CDK15: variants seen among roughly 807,000 people sequenced by gnomAD.
The protein encoded by CDK15 is cyclin dependent kinase 15.
CDK15 carries 62 observed loss-of-function variants against 60.3 expected under a neutral mutation model. The ratio of observed to expected loss-of-function variants is 1.03; its 90% CI spans 0.84 to 1.27. The LOEUF is 1.27. Among genes scored for constraint, CDK15 ranks in the 50% most tolerant of loss-of-function variants. The pLI, the probability that CDK15 is intolerant of heterozygous loss-of-function variation, is 0.00. For synonymous variants in CDK15, 194 were observed against 195.7 expected (o/e 0.99, Z 0.07); for missense variants, 541 against 527.8 (o/e 1.03, Z -0.25).
rs145156834 is a variant in CDK15, at chr2:201,883,860, C to A, written c.1198+3693C>A. On this transcript the variant is annotated intron_variant, in intron 12 of 13. Transcript: ENST00000652192. ...GCCCTTGGCAACTCTCTAATCTTAG[C>A]TGCAGGTTCAGCTTCTTCATTTAAT... is the stretch of plus-strand genomic sequence containing the variant. Among the ~76,000 whole-genome samples, 724 of 152,328 alleles carry A rather than the reference C, an allele frequency of 4.8e-3. 11 individuals carry two copies. The highest frequency in any genetic ancestry group is 0.016 in the African/African-American group (671 of 41,562).
intron 10 of CDK15, among the ~76,000 whole-genome samples, chr2:201,856,385 GA>G (rs1285268234): frequency 6.6e-6 from 1 of 152,146 alleles, no homozygotes; most frequent in African/African-American, 2.4e-5. Flanking sequence ...GCTGCTTTGT[GA>G]ATGGTTATAT....
At chr2:201,835,961 T>G (rs1367536272) in intron 8 of CDK15, among the ~76,000 whole-genome samples, 198 bp downstream of exon 8, 1 of 105,428 alleles carries the variant, frequency 9.5e-6, no homozygotes, top group Non-Finnish European at 1.8e-5. Context: ...TATATTTGTA[T>G]ATATTTATAT....
chr2:201,872,218 A>G, intron 10 of CDK15, 60 bp from the exon 11 acceptor site: 1 of 1,528,200 alleles, frequency 6.5e-7, no homozygotes, highest in Admixed American at 1.7e-5. Context: ...TTAACAGTAT[A>G]TTTGGCAACA....
intron 6 of CDK15, among the ~76,000 whole-genome samples, chr2:201,828,542 A>G (rs1696610726): frequency 4.3e-5 from 1 of 23,298 alleles, no homozygotes; most frequent in South Asian, 3.5e-3. Flanking sequence ...GCTAAAAGTC[A>G]TACTCTTGAT....
At chr2:201,845,587 A>AT (rs1248724630) in intron 8 of CDK15, among the ~76,000 whole-genome samples, 4 of 140,706 alleles carry the variant, frequency 2.8e-5, no homozygotes, top group Non-Finnish European at 3.1e-5. Flanking sequence ...CCCCATCTGT[A>AT]TTAAAAAAAA....
At chr2:201,857,941 G>A (rs911794478) in intron 10 of CDK15, among the ~76,000 whole-genome samples, 6 of 152,140 alleles carry the variant, frequency 3.9e-5, no homozygotes, top group Non-Finnish European at 7.4e-5. Context: ...TGTCACAGAT[G>A]AGCACCGTGT....
intron 11 of CDK15, among the ~76,000 whole-genome samples, chr2:201,878,085 A>C (rs1185385473): frequency 6.6e-6 from 1 of 152,166 alleles, no homozygotes; most frequent in Non-Finnish European, 1.5e-5. Flanking sequence ...TCTCATGGCC[A>C]TACAACTTAA....
intron 8 of CDK15, among the ~76,000 whole-genome samples, chr2:201,837,238 T>C (rs1245931331): frequency 6.6e-6 from 1 of 151,068 alleles, no homozygotes; most frequent in African/African-American, 2.4e-5. Context: ...CAGTGAGTTT[T>C]GATGGTACCC....
At position 201,847,494 on chromosome 2, in the gene CDK15, A is replaced by G; in HGVS notation, c.945+20A>G. ...TGGGAGGTAGGAGAATAATTCTTCT[A>G]AAGAAAATGAAATATCTGCATTTTA... On this transcript the variant is annotated intron_variant, in intron 9 of 13. Transcript: ENST00000652192. 1 of 1,600,022 alleles carries G rather than the reference A, an allele frequency of 6.2e-7. No homozygotes were observed.
chr2:201,808,546 A>G (rs540820382), intron 3 of CDK15: 1 of 152,222 alleles, frequency 6.6e-6, no homozygotes, highest in Admixed American at 6.5e-5. Flanking sequence ...AACTTTGTTA[A>G]ATATATGTAA....
intron 4 of CDK15, among the ~76,000 whole-genome samples, chr2:201,818,658 T>C (rs1308531151): frequency 6.6e-6 from 1 of 152,230 alleles, no homozygotes; most frequent in Non-Finnish European, 1.5e-5. Context: ...CATCATCTGC[T>C]CTTTCATCTG....
At chr2:201,838,115 T>C (rs1206438154) in intron 8 of CDK15, among the ~76,000 whole-genome samples, 2 of 152,152 alleles carry the variant, frequency 1.3e-5, no homozygotes, top group Non-Finnish European at 2.9e-5. Flanking sequence ...TTTAAACTAA[T>C]TTTATTATGG....
intron 11 of CDK15, among the ~76,000 whole-genome samples, chr2:201,878,503 C>T (rs1041665052): frequency 6.6e-6 from 1 of 152,190 alleles, no homozygotes; most frequent in Non-Finnish European, 1.5e-5. Context: ...TCCTGACCAC[C>T]TCTTCCCATT....
chr2:201,864,454 A>G (rs1698527508), intron 10 of CDK15, among the ~76,000 whole-genome samples: 2 of 152,180 alleles, frequency 1.3e-5, no homozygotes, highest in African/African-American at 4.8e-5. Flanking sequence ...AGTAGCTGGG[A>G]TAACAGGTGT....
rs554143325 is a variant in CDK15, at chr2:201,890,873, C to T, written c.1287C>T (p.Ala429=). 97 of 1,613,348 alleles carry T rather than the reference C, an allele frequency of 6.0e-5. No homozygotes were observed. The South Asian group carries it at 6.2e-4, about 10-fold the overall frequency. The change falls in exon 13 of 14, where the codon GCC becomes GCT. Residue 429 remains alanine (A), a synonymous_variant. Coordinates refer to ENST00000652192, the MANE Select transcript of CDK15 (RefSeq NM_001366386.2). ...CCTACCAGAAAGGTCACCACCCAGC[C>T]CAGTTTAGCAAATGCTGGTGAAAAG... is the stretch of plus-strand genomic sequence containing the variant. ...LASYQKGHHP[A]QFSKCW
At chr2:201,827,858 G>A (rs1696575719) in intron 6 of CDK15, among the ~76,000 whole-genome samples, 1 of 152,214 alleles carries the variant, frequency 6.6e-6, no homozygotes, top group Admixed American at 6.5e-5. Flanking sequence ...TTAAGCCTGA[G>A]CCTCTGCATT....
chr2:201,834,505 G>A (rs978602943), intron 7 of CDK15, among the ~76,000 whole-genome samples: 8 of 151,986 alleles, frequency 5.3e-5, no homozygotes, highest in East Asian at 1.9e-4. Flanking sequence ...AGCACTTATC[G>A]CAGTTTATAA....
chr2:201,812,732 C>T (rs756488666), intron 4 of CDK15, among the ~76,000 whole-genome samples, 170 bp downstream of exon 4: 1 of 152,100 alleles, frequency 6.6e-6, no homozygotes, highest in South Asian at 2.1e-4. Context: ...TATTTTATTA[C>T]TTAATTTTGA....
rs140994749 is a variant in CDK15, at chr2:201,819,650, C to T, written c.449-3159C>T. 3.0e-3 allele frequency among the ~76,000 whole-genome samples: 452 copies of T among 152,160 alleles called. 3 individuals carry two copies. Among genetic ancestry groups the T allele is most frequent in the South Asian group, 0.015 (72 of 4,822 alleles). ...AGCCAACATATGATAGTGGCTTGGT[C>T]CAGGGTGCTGGCAGAAGATATGGCA... On this transcript the variant is annotated intron_variant, in intron 4 of 13. Coordinates refer to ENST00000652192, the MANE Select transcript of CDK15 (RefSeq NM_001366386.2).
Sources: gnomAD v4.1 joint callset for allele counts (sites outside exome capture counted in the v4.1 genomes callset) on GRCh38, gnomAD v4.1.1 for gene constraint, MANE v1.5 for transcripts, NCBI Gene and HGNC (gene_info 2026-07-23, HGNC 2026-07-21) for gene names.